The following DTL variants were observed in gnomAD, a reference collection of about 807,000 sequenced individuals.
DTL encodes denticleless E3 ubiquitin protein ligase adapter.
Under a neutral mutation model 87.0 loss-of-function variants are expected in DTL, and 46 were observed. The observed-to-expected ratio is 0.53, with a 90% CI of 0.42 to 0.68. The LOEUF is 0.68. Among genes scored for constraint, DTL ranks in the 30% least tolerant of loss-of-function variants. DTL has a pLI of 0.00. For synonymous variants in DTL, 308 were observed against 311.2 expected (o/e 0.99, Z 0.11); for missense variants, 737 against 869.4 (o/e 0.85, Z 1.91).
At chr1:212,055,867 G>A (rs1490077690) in intron 5 of DTL, among the ~76,000 whole-genome samples, 1 of 152,138 alleles carries the variant, frequency 6.6e-6, no homozygotes. Flanking sequence ...GGAGGCCTGA[G>A]GATTGCCCAG....
intron 5 of DTL, among the ~76,000 whole-genome samples, chr1:212,060,166 G>C (rs1668299629): frequency 6.6e-6 from 1 of 152,082 alleles, no homozygotes; most frequent in South Asian, 2.1e-4. Context: ...GAAGTAGAAA[G>C]AACAATCTTA....
intron 5 of DTL, among the ~76,000 whole-genome samples, chr1:212,059,870 T>G (rs1403159334): frequency 2.0e-5 from 3 of 150,776 alleles, no homozygotes; most frequent in African/African-American, 7.3e-5. Context: ...AAATAGCATT[T>G]CTATACATCA....
chr1:212,041,037 G>A (rs916799312), intron 1 of DTL, among the ~76,000 whole-genome samples: 1 of 152,194 alleles, frequency 6.6e-6, no homozygotes, highest in Non-Finnish European at 1.5e-5. Flanking sequence ...CTTGGAATAT[G>A]TGCATGTAAC....
At chr1:212,054,227 C>A (rs2102538718) in intron 5 of DTL, among the ~76,000 whole-genome samples, 1 of 152,190 alleles carries the variant, frequency 6.6e-6, no homozygotes, top group Admixed American at 6.5e-5. Flanking sequence ...ATCATGGGTT[C>A]CCTTTCTCTA....
intron 5 of DTL, among the ~76,000 whole-genome samples, chr1:212,050,212 C>G (rs1055853433): frequency 2.0e-5 from 3 of 152,082 alleles, no homozygotes; most frequent in Non-Finnish European, 2.9e-5. Context: ...TATAATCAAT[C>G]AGAGGACCAT....
chr1:212,043,252 T>C, intron 2 of DTL, 134 bp downstream of exon 2: 4 of 811,172 alleles, frequency 4.9e-6, no homozygotes, highest in Non-Finnish European at 7.5e-6. Flanking sequence ...TAAAAACTGT[T>C]ATCTTCTGAT....
chr1:212,047,188 C>T lies in DTL; in HGVS notation c.315C>T (p.Ala105=). Residue 105 remains alanine, a synonymous_variant, in exon 4 of 15, where the codon GCC becomes GCT. Coordinates refer to ENST00000366991, the MANE Select transcript of DTL (RefSeq NM_016448.4). The part of the protein sequence containing the change: ...MAHWNAVFDL[A]WVPGELKLVT... ...ACTGGAATGCCGTCTTTGACCTGGC[C>T]TGGGTTCCTGGTGAACTTAAACTTG... The T allele has an allele frequency of 6.2e-7, 1 of 1,614,142 alleles. No homozygotes were observed. The highest frequency in any genetic ancestry group is 8.5e-7 in the Non-Finnish European group (1 of 1,180,008).
chr1:212,046,853 G>C (rs1474866806), intron 3 of DTL, among the ~76,000 whole-genome samples: 1 of 152,180 alleles, frequency 6.6e-6, no homozygotes, highest in Non-Finnish European at 1.5e-5. Context: ...CTAGGTCTTT[G>C]AGGAAGCGCC....
intron 11 of DTL, chr1:212,077,769 T>C (rs1654875020): frequency 1.3e-5 from 2 of 156,764 alleles, no homozygotes; most frequent in Admixed American, 1.3e-4. Context: ...ATATATATGC[T>C]GTGTAAAAAC....
intron 13 of DTL, among the ~76,000 whole-genome samples, chr1:212,092,892 A>C (rs961524751): frequency 6.6e-6 from 1 of 152,102 alleles, no homozygotes; most frequent in Non-Finnish European, 1.5e-5. Context: ...CAGCAGTGTA[A>C]AAGTGTTCCC....
intron 5 of DTL, 30 bp downstream of exon 5, chr1:212,047,447 C>A: frequency 6.2e-7 from 1 of 1,612,892 alleles, no homozygotes; most frequent in East Asian, 2.2e-5. Flanking sequence ...CTTTCATCTC[C>A]TTAACCTTCT....
chr1:212,052,079 T>C (rs1376513977), intron 5 of DTL: 1 of 823,040 alleles, frequency 1.2e-6, no homozygotes, highest in Non-Finnish European at 2.1e-6. Flanking sequence ...TCAACAGCTT[T>C]TTTTTCCTTT....
chr1:212,058,539 C>T (rs1489735912), intron 5 of DTL, among the ~76,000 whole-genome samples: 1 of 151,748 alleles, frequency 6.6e-6, no homozygotes, highest in African/African-American at 2.4e-5. Flanking sequence ...CCATGGGATA[C>T]AATAAAAGCA....
intron 13 of DTL, among the ~76,000 whole-genome samples, chr1:212,089,407 A>G (rs1283687224): frequency 1.3e-5 from 2 of 152,208 alleles, no homozygotes; most frequent in African/African-American, 4.8e-5. Flanking sequence ...AGATATATAT[A>G]TAGTATAATC....
chr1:212,084,391 G>A (rs969755409), intron 13 of DTL, among the ~76,000 whole-genome samples: 5 of 151,874 alleles, frequency 3.3e-5, no homozygotes, highest in Non-Finnish European at 7.4e-5. Flanking sequence ...TCACCATGTT[G>A]GTCAGGCTGG....
At chr1:212,063,174 G>A (rs1011278597) in intron 6 of DTL, among the ~76,000 whole-genome samples, 5 of 151,888 alleles carry the variant, frequency 3.3e-5, no homozygotes, top group African/African-American at 1.2e-4. Context: ...ATCTCATATT[G>A]TCTTCTGAAT....
chr1:212,072,265 T>G, intron 11 of DTL, 52 bp downstream of exon 11: 1 of 1,367,832 alleles, frequency 7.3e-7, no homozygotes, highest in Non-Finnish European at 1.0e-6. Context: ...TTCTTGCAAA[T>G]ATTTGTTCTG....
intron 10 of DTL, 48 bp from the exon 11 acceptor site, chr1:212,072,053 C>T: frequency 7.6e-7 from 1 of 1,322,646 alleles, no homozygotes; most frequent in Non-Finnish European, 1.1e-6. Flanking sequence ...TCCATTTGAC[C>T]ACTAGAAATA....
chr1:212,085,312 T>G (rs575324014), intron 13 of DTL, among the ~76,000 whole-genome samples: 1 of 152,364 alleles, frequency 6.6e-6, no homozygotes, highest in South Asian at 2.1e-4. Context: ...ACATTTGTTA[T>G]TGTCCATCTT....
Sources: gnomAD v4.1 joint callset for allele counts (sites outside exome capture counted in the v4.1 genomes callset) on GRCh38, gnomAD v4.1.1 for gene constraint, MANE v1.5 for transcripts, NCBI Gene and HGNC (gene_info 2026-07-23, HGNC 2026-07-21) for gene names.